DIS3L2: variants seen among roughly 807,000 people sequenced by gnomAD.
DIS3L2 encodes DIS3-like exonuclease 2.
DIS3L2 carries 34 observed loss-of-function variants against 97.5 expected under a neutral mutation model. That is an observed-to-expected ratio of 0.35 (90% CI 0.27 to 0.46). DIS3L2 has a LOEUF of 0.46. Among genes scored for constraint, DIS3L2 ranks in the 20% least tolerant of loss-of-function variants. The probability of loss-of-function intolerance (pLI) is 1.00; values close to 1 mark genes in which losing one functional copy is unlikely to be tolerated. For missense variants in DIS3L2, 1,038 were observed against 1,146.0 expected (o/e 0.91, Z 1.36); for synonymous variants, 435 against 445.2 (o/e 0.98, Z 0.29).
intron 10 of DIS3L2, among the ~76,000 whole-genome samples, chr2:232,236,737 T>G (rs570868190): frequency 6.6e-6 from 1 of 152,286 alleles, no homozygotes; most frequent in South Asian, 2.1e-4. Flanking sequence ...CTTTAAACTG[T>G]ATACTTATTT....
chr2:232,293,049 G>A lies in DIS3L2; in HGVS notation c.1660-6991G>A, dbSNP rs938047316. Among the ~76,000 whole-genome samples the A allele has an allele frequency of 6.6e-6, 1 of 152,142 alleles. No homozygotes were observed. The highest frequency in any genetic ancestry group is 2.4e-5 in the African/African-American group (1 of 41,426). ...CCATTCTTGCAGGCTGACTTCCCAA[G>A]CTGAGCTGCTCTGTGGGTGGTCCCT... On this transcript the variant is annotated intron_variant, in intron 13 of 20. Coordinates refer to ENST00000325385, the MANE Select transcript of DIS3L2 (RefSeq NM_152383.5). The surrounding 1 kb of genome is among the most constrained non-coding windows in gnomAD (Gnocchi z 4.6).
chr2:232,293,617 C>G lies in DIS3L2; in HGVS notation c.1660-6423C>G, dbSNP rs749764457. 2.0e-5 allele frequency among the ~76,000 whole-genome samples: 3 copies of G among 152,194 alleles called. No homozygotes were observed. Among genetic ancestry groups the G allele is most frequent in the African/African-American group, 4.8e-5 (2 of 41,440 alleles). On this transcript the variant is annotated intron_variant, in intron 13 of 20. Coordinates refer to ENST00000325385, the MANE Select transcript of DIS3L2 (RefSeq NM_152383.5). The surrounding 1 kb of genome is among the most constrained non-coding windows in gnomAD (Gnocchi z 4.6). ...CTGCAGGAGCTGGAGAGTGACCCTTCCCTGTCCTGTAAGACTCCTTCTGTC... is the reference window on the plus strand; with the variant it reads ...CTGCAGGAGCTGGAGAGTGACCCTTGCCTGTCCTGTAAGACTCCTTCTGTC...
chr2:232,256,786 C>G (rs1334748488), intron 12 of DIS3L2, among the ~76,000 whole-genome samples: 1 of 151,626 alleles, frequency 6.6e-6, no homozygotes, highest in Non-Finnish European at 1.5e-5. Context: ...GAGAACAGAT[C>G]GAGACCCTGT....
intron 14 of DIS3L2, among the ~76,000 whole-genome samples, chr2:232,327,220 C>G (rs4973520): frequency 6.6e-6 from 1 of 152,028 alleles, no homozygotes; most frequent in Non-Finnish European, 1.5e-5. Flanking sequence ...TCACCCTGCC[C>G]GCCTGGTGGC....
At position 232,268,417 on chromosome 2, in the gene DIS3L2, A is replaced by G. The variant is rs1490455490; in HGVS notation, c.1659+4977A>G. On this transcript the variant is annotated intron_variant, in intron 13 of 20. Coordinates refer to ENST00000325385, the MANE Select transcript of DIS3L2 (RefSeq NM_152383.5). This position sits in a 1 kb window ranked among gnomAD's most constrained non-coding sequence, Gnocchi z 4.1. ...GTTATGTATGACCTTGACCTGTTCC[A>G]GCCTTTAAGGCAGGGATTGACGGAT... Among the ~76,000 whole-genome samples, 2 of 152,202 alleles carry G rather than the reference A, an allele frequency of 1.3e-5. No homozygotes were observed. The highest frequency in any genetic ancestry group is 2.1e-4 in the South Asian group (1 of 4,836).
chr2:232,295,444 C>T (rs1694701406), intron 13 of DIS3L2, among the ~76,000 whole-genome samples: 1 of 152,182 alleles, frequency 6.6e-6, no homozygotes, highest in Admixed American at 6.5e-5. Flanking sequence ...AAAGGGGTTC[C>T]ACTTTTGTGT....
At chr2:232,309,803 G>T (rs1695077891) in intron 14 of DIS3L2, among the ~76,000 whole-genome samples, 1 of 152,236 alleles carries the variant, frequency 6.6e-6, no homozygotes, top group Non-Finnish European at 1.5e-5. Context: ...GGCAGATGCA[G>T]TGGTGGATCA....
At chr2:232,334,790 C>G (rs1318306676) in intron 19 of DIS3L2, 55 bp downstream of exon 19, 1 of 1,490,600 alleles carries the variant, frequency 6.7e-7, no homozygotes, top group African/African-American at 1.4e-5. Context: ...CCATCCCGCA[C>G]TGGAGGGGCA....
chr2:232,308,695 C>T (rs1442240456), intron 14 of DIS3L2, among the ~76,000 whole-genome samples: 2 of 152,176 alleles, frequency 1.3e-5, no homozygotes, highest in African/African-American at 4.8e-5. Flanking sequence ...CCCACAGGCA[C>T]CTGCTAGCTC....
chr2:232,156,341 G>T (rs1690493267), intron 8 of DIS3L2, among the ~76,000 whole-genome samples: 1 of 152,052 alleles, frequency 6.6e-6, no homozygotes, highest in Admixed American at 6.5e-5. Flanking sequence ...TTATGCACTT[G>T]CATCTTTGCT....
chr2:232,019,329 A>T (rs1297077812), intron 3 of DIS3L2, among the ~76,000 whole-genome samples: 1 of 152,112 alleles, frequency 6.6e-6, no homozygotes, highest in African/African-American at 2.4e-5. Flanking sequence ...GGGTGGGAAG[A>T]TTGCTTGAGG....
At chr2:231,998,690 C>T (rs1693794790) in intron 1 of DIS3L2, among the ~76,000 whole-genome samples, 1 of 152,144 alleles carries the variant, frequency 6.6e-6, no homozygotes, top group African/African-American at 2.4e-5. Context: ...CTCTTACCAA[C>T]TAGTTTTAGA....
chr2:232,221,052 A>G (rs1024057829), intron 10 of DIS3L2, among the ~76,000 whole-genome samples: 3 of 149,844 alleles, frequency 2.0e-5, no homozygotes, highest in African/African-American at 7.4e-5. Flanking sequence ...CAGTGAGCCA[A>G]GATCGTGCCA....
rs763020263 is a variant in DIS3L2 at position 232,249,196 on chromosome 2, C to T, written c.1318-43C>T. 40 of 1,597,204 alleles carry T rather than the reference C, an allele frequency of 2.5e-5. No individual in the cohort carries two copies. The South Asian group carries it at 2.9e-4, about 12-fold the overall frequency. On this transcript the variant is annotated intron_variant, in intron 11 of 20. Transcript: ENST00000325385. ...CTCTGCCCACTGGGCTTCTCCTAAG[C>T]GGGTTGGAGAAAGGTGCTCATGGGC...
At chr2:232,130,490 T>C (rs1391968320) in intron 6 of DIS3L2, 129 bp from the exon 7 acceptor site, 2 of 1,106,944 alleles carry the variant, frequency 1.8e-6, no homozygotes, top group Non-Finnish European at 2.5e-6. Context: ...CGGCCTGGGG[T>C]TCTTCTGTAA....
Position 232,268,909 on chromosome 2 carries a change from A to G in DIS3L2, c.1659+5469A>G, listed in dbSNP as rs572025601. Among the ~76,000 whole-genome samples, 3 of 152,348 alleles carry G rather than the reference A, an allele frequency of 2.0e-5. No individual in the cohort carries two copies. Among genetic ancestry groups the G allele is most frequent in the African/African-American group, 4.8e-5 (2 of 41,576 alleles). Reference sequence around the variant, plus strand: ...TAGGTAAATTATTCCTTTGATTAGTACCATGCTTATCCAGTCCAATGGGAG... The same window carrying G: ...TAGGTAAATTATTCCTTTGATTAGTGCCATGCTTATCCAGTCCAATGGGAG... On this transcript the variant is annotated intron_variant, in intron 13 of 20. Transcript: ENST00000325385. The surrounding 1 kb of genome is among the most constrained non-coding windows in gnomAD (Gnocchi z 4.1).
intron 1 of DIS3L2, among the ~76,000 whole-genome samples, chr2:231,991,026 C>A (rs1693570695): frequency 1.3e-5 from 2 of 151,982 alleles, no homozygotes; most frequent in South Asian, 4.1e-4. Context: ...CTACCTCAGC[C>A]TCCCAAGAAG....
chr2:232,159,573 T>C (rs768524356), intron 8 of DIS3L2, among the ~76,000 whole-genome samples: 21 of 152,238 alleles, frequency 1.4e-4, no homozygotes, highest in Non-Finnish European at 1.0e-4. Flanking sequence ...GTCCTGCTTA[T>C]AGGCAACGTG....
intron 10 of DIS3L2, among the ~76,000 whole-genome samples, chr2:232,217,242 A>G (rs950122212): frequency 6.6e-6 from 1 of 152,164 alleles, no homozygotes; most frequent in African/African-American, 2.4e-5. Context: ...GTGAAGTAGA[A>G]AGCCGAATGC....
Sources: allele counts gnomAD v4.1 joint callset (sites outside exome capture counted in the v4.1 genomes callset), GRCh38; gene constraint gnomAD v4.1.1; non-coding constraint Gnocchi (gnomAD v3.1); transcripts MANE v1.5; gene names NCBI Gene and HGNC (gene_info 2026-07-23, HGNC 2026-07-21).